The following CCDC15 variants were observed in gnomAD, a reference collection of about 807,000 sequenced individuals.
CCDC15 encodes coiled-coil domain containing 15, also known as coiled-coil domain-containing protein 15.
Under a neutral mutation model 114.5 loss-of-function variants are expected in CCDC15, and 105 were observed. That is an observed-to-expected ratio of 0.92 (90% CI 0.78 to 1.08). The LOEUF (loss-of-function observed/expected upper bound fraction) is 1.08, where lower values mean the gene tolerates loss of function less well. Ranked by LOEUF, CCDC15 falls within the 50% of genes least tolerant of loss-of-function variation. CCDC15 has a pLI of 0.00. For missense variants in CCDC15, 1,105 were observed against 1,093.6 expected (o/e 1.01, Z -0.15); for synonymous variants, 334 against 377.8 (o/e 0.88, Z 1.34).
chr11:124,968,005 G>A (rs1947813077), intron 4 of CCDC15, among the ~76,000 whole-genome samples: 2 of 152,176 alleles, frequency 1.3e-5, no homozygotes, highest in South Asian at 2.1e-4. Flanking sequence ...AAATATTGCT[G>A]CCTGATCCTT....
At chr11:124,966,594 C>T (rs555187182) in intron 4 of CCDC15, among the ~76,000 whole-genome samples, 19 of 152,184 alleles carry the variant, frequency 1.2e-4, no homozygotes, top group Middle Eastern at 3.4e-3. Flanking sequence ...ACTCTTTATT[C>T]AATTTGCCAG....
chr11:124,972,388 CACAG>C (rs1466604721), intron 4 of CCDC15, among the ~76,000 whole-genome samples: 1 of 151,878 alleles, frequency 6.6e-6, no homozygotes, highest in Admixed American at 6.6e-5. Flanking sequence ...ATATATATAC[CACAG>C]ACATTCACAC....
intron 4 of CCDC15, among the ~76,000 whole-genome samples, chr11:124,974,465 T>C (rs1947939667): frequency 6.6e-6 from 1 of 152,220 alleles, no homozygotes; most frequent in Non-Finnish European, 1.5e-5. Flanking sequence ...TAGTCATTTA[T>C]TAGGTGTTAC....
chr11:124,984,655 G>A (rs1948128079), intron 6 of CCDC15, among the ~76,000 whole-genome samples: 2 of 152,170 alleles, frequency 1.3e-5, no homozygotes, highest in African/African-American at 4.8e-5. Context: ...TGTCAGTGGG[G>A]TTATGGGGTC....
At chr11:125,005,548 C>T (rs1212247332) in intron 13 of CCDC15, among the ~76,000 whole-genome samples, 2 of 152,160 alleles carry the variant, frequency 1.3e-5, no homozygotes, top group Non-Finnish European at 2.9e-5. Context: ...GATGAACCTA[C>T]ATTGACACAT....
At chr11:124,994,838 C>G (rs1482064694) in intron 11 of CCDC15, among the ~76,000 whole-genome samples, 1 of 152,178 alleles carries the variant, frequency 6.6e-6, no homozygotes, top group South Asian at 2.1e-4. Context: ...AATTTTACCC[C>G]TCTGTGCATA....
intron 13 of CCDC15, among the ~76,000 whole-genome samples, chr11:125,034,654 T>G (rs964935662): frequency 6.6e-6 from 1 of 152,208 alleles, no homozygotes; most frequent in African/African-American, 2.4e-5. Context: ...CTAAACTCCT[T>G]GCCTTTCATG....
chr11:124,973,579 G>A (rs565519844), intron 4 of CCDC15, among the ~76,000 whole-genome samples: 7 of 152,168 alleles, frequency 4.6e-5, no homozygotes, highest in African/African-American at 1.4e-4. Flanking sequence ...GGCTGGTAGA[G>A]TAGAGTGTTT....
chr11:125,021,695 G>T (rs893783075), intron 13 of CCDC15, among the ~76,000 whole-genome samples: 1 of 151,740 alleles, frequency 6.6e-6, no homozygotes, highest in Non-Finnish European at 1.5e-5. Flanking sequence ...TGTGAGGAGA[G>T]GAATAGCTAC....
At chr11:125,037,880 A>G (rs756363177) in intron 13 of CCDC15, among the ~76,000 whole-genome samples, 2 of 151,066 alleles carry the variant, frequency 1.3e-5, no homozygotes, top group Non-Finnish European at 2.9e-5. Context: ...TGTAGTTTCA[A>G]TCTGAAAAGA....
intron 13 of CCDC15, among the ~76,000 whole-genome samples, chr11:125,036,272 T>C (rs1247723100): frequency 8.7e-6 from 1 of 114,892 alleles, no homozygotes; most frequent in African/African-American, 3.6e-5. Context: ...AAAGTTCTTT[T>C]TCCTTTGGCA....
At chr11:125,008,820 G>T (rs1269708112) in intron 13 of CCDC15, among the ~76,000 whole-genome samples, 1 of 151,974 alleles carries the variant, frequency 6.6e-6, no homozygotes, top group African/African-American at 2.4e-5. Context: ...AGCCTCTTGA[G>T]TAGCTGGGAC....
rs77777233 is a variant in CCDC15, at chr11:124,969,097, G to T, written c.517-5999G>T. On this transcript the variant is annotated intron_variant, in intron 4 of 15. Coordinates refer to ENST00000344762, the MANE Select transcript of CCDC15 (RefSeq NM_025004.3). ...GTTTCTATATTCCTAATGCCTTATT[G>T]ATTTCTTCTGAATACTATTTTGTTT... 9.7e-3 allele frequency among the ~76,000 whole-genome samples: 1,474 copies of T among 152,026 alleles called. 8 individuals are homozygous for T. Among genetic ancestry groups the T allele is most frequent in the South Asian group, 0.022 (106 of 4,804 alleles).
intron 11 of CCDC15, among the ~76,000 whole-genome samples, chr11:124,998,737 CTT>C (rs35263582): frequency 3.0e-4 from 39 of 129,890 alleles, no homozygotes; most frequent in South Asian, 1.9e-3. Context: ...AGAGTCTCTA[CTT>C]TTTTTTTTTT....
At chr11:124,959,089 T>C (rs747624269) in intron 2 of CCDC15, 26 bp from the exon 3 acceptor site, 1 of 1,505,854 alleles carries the variant, frequency 6.6e-7, no homozygotes, top group Non-Finnish European at 8.9e-7. Flanking sequence ...ACATTTAAGT[T>C]CATTTTCTGT....
At chr11:124,995,806 A>G (rs1174914739) in intron 11 of CCDC15, among the ~76,000 whole-genome samples, 3 of 151,722 alleles carry the variant, frequency 2.0e-5, no homozygotes, top group South Asian at 2.1e-4. Context: ...CTATCCCTGG[A>G]AATTTTCAAC....
chr11:124,975,491 T>C (rs574957652), intron 5 of CCDC15, among the ~76,000 whole-genome samples: 4 of 152,320 alleles, frequency 2.6e-5, no homozygotes, highest in Admixed American at 2.0e-4. Context: ...TTAAAATATA[T>C]GTATATGTAT....
chr11:124,988,612 G>T (rs1948216049), intron 8 of CCDC15, among the ~76,000 whole-genome samples: 1 of 152,144 alleles, frequency 6.6e-6, no homozygotes, highest in Admixed American at 6.5e-5. Flanking sequence ...TGTAGCATGT[G>T]ATAATGTTTG....
intron 13 of CCDC15, among the ~76,000 whole-genome samples, chr11:125,020,012 G>A (rs1948651885): frequency 6.6e-6 from 1 of 151,818 alleles, no homozygotes; most frequent in Non-Finnish European, 1.5e-5. Context: ...GCTAACTATA[G>A]TCACCCTACT....
Sources: allele counts gnomAD v4.1 joint callset (sites outside exome capture counted in the v4.1 genomes callset), GRCh38; gene constraint gnomAD v4.1.1; transcripts MANE v1.5; gene names NCBI Gene and HGNC (gene_info 2026-07-23, HGNC 2026-07-21).